The following CDIN1 variants were observed in gnomAD, a reference collection of about 807,000 sequenced individuals.
The protein encoded by CDIN1 is CDAN1 interacting nuclease 1, also known as CDAN1-interacting nuclease 1.
CDIN1 carries 33 observed loss-of-function variants against 45.3 expected under a neutral mutation model. The observed-to-expected ratio is 0.73, with a 90% confidence interval of 0.55 to 0.97. The LOEUF is 0.97. Ranked by LOEUF, CDIN1 falls within the 50% of genes least tolerant of loss-of-function variation. The pLI is 0.00. For synonymous variants in CDIN1, 118 were observed against 124.4 expected, an observed-to-expected ratio of 0.95 and a Z score of 0.34; for missense variants, 303 against 339.4, an observed-to-expected ratio of 0.89 and a Z score of 0.84.
chr15:36,642,937 T>C (rs1187494556), intron 1 of CDIN1, among the ~76,000 whole-genome samples: 1 of 152,086 alleles, frequency 6.6e-6, no homozygotes, highest in Admixed American at 6.6e-5. Context: ...TCATTTTGCC[T>C]CCCTCCCACC....
chr15:36,584,450 A>G (rs1485900750), intron 1 of CDIN1, among the ~76,000 whole-genome samples: 2 of 152,216 alleles, frequency 1.3e-5, no homozygotes, highest in Non-Finnish European at 2.9e-5. Context: ...AACAAAAAAC[A>G]AAAAGCAAAC....
At chr15:36,672,649 A>G (rs2041494283) in intron 5 of CDIN1, among the ~76,000 whole-genome samples, 1 of 152,028 alleles carries the variant, frequency 6.6e-6, no homozygotes, top group Non-Finnish European at 1.5e-5. Context: ...CAATTAAGCA[A>G]GGAAGTATAC....
chr15:36,601,697 G>A (rs1312175496), intron 1 of CDIN1, among the ~76,000 whole-genome samples: 1 of 152,150 alleles, frequency 6.6e-6, no homozygotes. Flanking sequence ...TATCTTAACT[G>A]TCTACATTAG....
At chr15:36,688,741 C>T (rs535977010) in intron 5 of CDIN1, among the ~76,000 whole-genome samples, 3 of 152,224 alleles carry the variant, frequency 2.0e-5, no homozygotes, top group East Asian at 1.9e-4. Context: ...GTTGTCCAGT[C>T]GCATTTACTT....
intron 8 of CDIN1, among the ~76,000 whole-genome samples, chr15:36,698,121 A>G (rs2042504108): frequency 6.6e-6 from 1 of 152,192 alleles, no homozygotes; most frequent in Non-Finnish European, 1.5e-5. Flanking sequence ...CATGATGTTT[A>G]TTTTAGGACA....
chr15:36,639,307 A>G (rs1375657361), intron 1 of CDIN1, among the ~76,000 whole-genome samples: 1 of 152,206 alleles, frequency 6.6e-6, no homozygotes, highest in Non-Finnish European at 1.5e-5. Flanking sequence ...ACAAAAAATA[A>G]TAAAAATAAA....
intron 10 of CDIN1, among the ~76,000 whole-genome samples, chr15:36,710,820 G>T (rs753918384): frequency 2.4e-4 from 37 of 152,084 alleles, no homozygotes; most frequent in Non-Finnish European, 5.3e-4. Flanking sequence ...TAATAGCCTT[G>T]TCCTAGGGTA....
intron 5 of CDIN1, among the ~76,000 whole-genome samples, chr15:36,660,244 C>T (rs1430935428): frequency 1.3e-5 from 2 of 152,082 alleles, no homozygotes; most frequent in East Asian, 3.9e-4. Flanking sequence ...CTTCCCTGAC[C>T]ACACTTTTTG....
intron 5 of CDIN1, among the ~76,000 whole-genome samples, chr15:36,689,867 G>A (rs2042180724): frequency 6.6e-6 from 1 of 152,088 alleles, no homozygotes; most frequent in Non-Finnish European, 1.5e-5. Context: ...CTTGAACTTA[G>A]CAAAATAGTG....
At chr15:36,658,614 A>T (rs1160909260) in intron 5 of CDIN1, among the ~76,000 whole-genome samples, 1 of 152,186 alleles carries the variant, frequency 6.6e-6, no homozygotes, top group Non-Finnish European at 1.5e-5. Flanking sequence ...TGTAAAAAAG[A>T]CAATTTCATC....
chr15:36,627,192 T>A, intron 1 of CDIN1: 1 of 192,906 alleles, frequency 5.2e-6, no homozygotes. Context: ...GTGAGGCAGT[T>A]GCCATAGCTG....
chr15:36,694,759 T>C (rs2042366170), intron 7 of CDIN1, among the ~76,000 whole-genome samples: 1 of 152,216 alleles, frequency 6.6e-6, no homozygotes, highest in Non-Finnish European at 1.5e-5. Flanking sequence ...AAGGTAATGA[T>C]GCAGGAAGCT....
intron 6 of CDIN1, 59 bp downstream of exon 6, chr15:36,691,823 A>G (rs1408221261): frequency 6.1e-6 from 8 of 1,309,804 alleles, no homozygotes; most frequent in Middle Eastern, 1.8e-4. Context: ...AGCAGAGTAA[A>G]GGATTTTAAA....
At chr15:36,688,976 G>A (rs1485200795) in intron 5 of CDIN1, among the ~76,000 whole-genome samples, 1 of 152,158 alleles carries the variant, frequency 6.6e-6, no homozygotes, top group Non-Finnish European at 1.5e-5. Context: ...AAAGTGGTGG[G>A]TTGCAAGAAG....
intron 3 of CDIN1, among the ~76,000 whole-genome samples, chr15:36,651,390 C>T (rs529192137): frequency 5.1e-4 from 77 of 152,090 alleles, no homozygotes; most frequent in Non-Finnish European, 6.9e-4. Context: ...AGAAAGGTAC[C>T]ATTAGGATTT....
At chr15:36,760,139 A>G (rs2053719357) in intron 10 of CDIN1, among the ~76,000 whole-genome samples, 1 of 152,190 alleles carries the variant, frequency 6.6e-6, no homozygotes, top group Admixed American at 6.5e-5. Flanking sequence ...TAATGCTTGC[A>G]TTATATGGCA....
intron 10 of CDIN1, among the ~76,000 whole-genome samples, chr15:36,773,550 T>C (rs1011684056): frequency 6.6e-6 from 1 of 152,196 alleles, no homozygotes; most frequent in African/African-American, 2.4e-5. Context: ...CATAAATGGC[T>C]GAGGCATTCT....
intron 5 of CDIN1, among the ~76,000 whole-genome samples, chr15:36,663,575 G>A (rs181280954): frequency 2.0e-5 from 3 of 151,964 alleles, no homozygotes; most frequent in Admixed American, 1.3e-4. Context: ...CTTTTTGCTC[G>A]GCACTTCCCC....
chr15:36,599,191 C>T (rs1209992668), intron 1 of CDIN1, among the ~76,000 whole-genome samples: 2 of 151,158 alleles, frequency 1.3e-5, no homozygotes, highest in East Asian at 3.9e-4. Flanking sequence ...GAAATTGTTA[C>T]TTAAGCTCCC....
Sources: allele counts gnomAD v4.1 joint callset (sites outside exome capture counted in the v4.1 genomes callset), GRCh38; gene constraint gnomAD v4.1.1; transcripts MANE v1.5; gene names NCBI Gene and HGNC (gene_info 2026-07-23, HGNC 2026-07-21).